Variants in MAB21L4 observed in about 807,000 individuals in gnomAD.
The protein encoded by MAB21L4 is mab-21 like 4.
In MAB21L4, 25 loss-of-function variants were observed where a neutral mutation model predicts 32.4. The ratio of observed to expected loss-of-function variants is 0.77; its 90% CI spans 0.56 to 1.08. The LOEUF (loss-of-function observed/expected upper bound fraction) is 1.08, where lower values mean the gene tolerates loss of function less well. MAB21L4 is among the 50% of genes least tolerant of loss of function. The pLI, the probability that MAB21L4 is intolerant of heterozygous loss-of-function variation, is 0.00. For missense variants in MAB21L4, 638 were observed against 611.0 expected, an observed-to-expected ratio of 1.04 and a Z score of -0.47; for synonymous variants, 280 against 276.8, an observed-to-expected ratio of 1.01 and a Z score of -0.11.
chr2:240,889,066 C>T (rs1364972901), intron 3 of MAB21L4, among the ~76,000 whole-genome samples: 4 of 152,170 alleles, frequency 2.6e-5, no homozygotes, highest in Non-Finnish European at 4.4e-5. Context: ...CCTGTGTGCT[C>T]ATGACCCCTG....
chr2:240,890,927 G>C lies in MAB21L4; in HGVS notation c.740+611C>G, dbSNP rs534511274. Among the ~76,000 whole-genome samples, 262 of 152,344 alleles carry C rather than the reference G, an allele frequency of 1.7e-3. 1 individual carries two copies. In the South Asian group the frequency reaches 0.025, roughly 15 times the overall value. The stretch of plus-strand genomic sequence containing the variant: ...GCGCTCCGCTGAGCCTTTCCTTGCA[G>C]GGGAAAACCACAGGAGGGACATAAC... On this transcript the variant is annotated intron_variant, in intron 2 of 4. Transcript: ENST00000388934.
chr2:240,890,722 C>A (rs1332790749), intron 2 of MAB21L4, among the ~76,000 whole-genome samples: 1 of 152,202 alleles, frequency 6.6e-6, no homozygotes, highest in Non-Finnish European at 1.5e-5. Context: ...CAGTGTCCCC[C>A]GCAAGCCTAC....
In MAB21L4 at chr2:240,895,556, C is replaced by A. The variant is rs2059180416; in HGVS notation, c.442G>T (p.Val148Phe). The A allele has an allele frequency of 3.1e-6, 5 of 1,610,706 alleles. No homozygotes were observed. The highest frequency in any genetic ancestry group is 4.2e-6 in the Non-Finnish European group (5 of 1,179,024). ...AGCAGGTCCTTGAGGACACACAGGACCTTGCTGGGCACAATGTGTCCACGG... is the reference window on the plus strand; with the variant it reads ...AGCAGGTCCTTGAGGACACACAGGAACTTGCTGGGCACAATGTGTCCACGG... The part of the protein sequence containing the change: ...KCRGHIVPSK[V>F]LCVLKDLLVA... Residue 148 changes from valine to phenylalanine, a missense_variant, in exon 1 of 5, where the codon GTC becomes TTC. Physicochemically the swap from Val to Phe is conservative, Grantham distance 50 (BLOSUM62 -1). Coordinates refer to ENST00000388934, the MANE Select transcript of MAB21L4 (RefSeq NM_001085437.3).
chr2:240,890,067 C>A lies in MAB21L4; in HGVS notation c.832G>T (p.Val278Phe). 1 of 1,613,494 alleles carries A rather than the reference C, an allele frequency of 6.2e-7. No homozygotes were observed. The highest frequency in any genetic ancestry group is 8.5e-7 in the Non-Finnish European group (1 of 1,179,720). ...RLDSLSILDRVNHESWRDSGQ... is the reference protein window; with the variant it reads ...RLDSLSILDRFNHESWRDSGQ... ...CTGTCACGCCAGCTCTCGTGGTTGA[C>A]CCGGTCGAGGATGGAGAGGCTGTCC... The change falls in exon 3 of 5, where the codon GTC (valine) becomes TTC (phenylalanine). Residue 278 changes from valine to phenylalanine, a missense_variant. Val to Phe is a conservative substitution (Grantham distance 50). Transcript: ENST00000388934.
In MAB21L4 at chr2:240,888,464, T is replaced by C. The variant is rs1172387781; in HGVS notation, c.1079A>G (p.Gln360Arg). 6.3e-7 allele frequency: 1 copy of C among 1,591,752 alleles called. No homozygotes were observed. Among genetic ancestry groups the C allele is most frequent in the Admixed American group, 1.7e-5 (1 of 58,418 alleles). The change falls in exon 4 of 5, where the codon CAG becomes CGG. Residue 360 changes from glutamine to arginine, a missense_variant. Transcript: ENST00000388934. ...CTGGCTGGCGAAGCCCTCCACGCGC[T>C]GGTAGATGGCACCAAGGTCCAGGCC... ...GSGLDLGAIY[Q>R]RVEGFASQPE...
At chr2:240,889,942 G>A (rs906386947) in intron 3 of MAB21L4, 63 bp downstream of exon 3, 4 of 1,537,520 alleles carry the variant, frequency 2.6e-6, no homozygotes, top group African/African-American at 2.7e-5. Context: ...GGAGGGACAC[G>A]CCTGGGTGCA....
rs1474812248 is a variant in MAB21L4 at position 240,896,085 on chromosome 2, C to T, written c.-88G>A. The T allele has an allele frequency of 6.5e-6, 9 of 1,376,752 alleles. No individual in the cohort carries two copies. In the South Asian group the frequency reaches 1.5e-4, roughly 23 times the overall value. 85.3% of individuals were successfully genotyped at this position (1,376,752 alleles called of 1,614,324 possible). On this transcript the variant is annotated 5_prime_UTR_variant, in exon 1 of 5. Transcript: ENST00000388934. ...CAGATGGGCTGTGAGGAGGCACCTGCCCAGGTGAGCAGCAGGTCTGCAGGT... is the reference window on the plus strand; with the variant it reads ...CAGATGGGCTGTGAGGAGGCACCTGTCCAGGTGAGCAGCAGGTCTGCAGGT...
chr2:240,890,265 C>G (rs981790766), intron 2 of MAB21L4, 107 bp from the exon 3 acceptor site: 9 of 1,362,434 alleles, frequency 6.6e-6, no homozygotes, highest in Non-Finnish European at 8.8e-6. Flanking sequence ...TCGTGCTGTG[C>G]TGCGTCTGCT....
At chr2:240,892,347 C>G (rs1408175228) in intron 1 of MAB21L4, among the ~76,000 whole-genome samples, 1 of 151,492 alleles carries the variant, frequency 6.6e-6, no homozygotes, top group African/African-American at 2.4e-5. Flanking sequence ...CTCCTCCCCC[C>G]TGCCCCCTGC....
chr2:240,895,938 G>A lies in MAB21L4; in HGVS notation c.60C>T (p.His20=), dbSNP rs1289623349. Residue 20 remains histidine (H), a synonymous_variant, in exon 1 of 5, where the codon CAC becomes CAT. Coordinates refer to ENST00000388934, the MANE Select transcript of MAB21L4 (RefSeq NM_001085437.3). ...CCCGGGACCGGATGGCCTGCAGGTA[G>A]TGGTGCCACAGGGGCACCTGCACGG... ...AMAVQVPLWH[H]YLQAIRSREA... The A allele has an allele frequency of 8.7e-6, 13 of 1,496,760 alleles. No individual in the cohort carries two copies. The highest frequency in any genetic ancestry group is 1.2e-5 in the Non-Finnish European group (13 of 1,126,086). The allele number at this position is 1,496,760 out of a possible 1,614,324, so 92.7% of individuals were successfully genotyped here. A position where few individuals can be genotyped will look rare whatever the true frequency, so the allele number is the denominator to read the frequency against.
At chr2:240,890,183 G>A in intron 2 of MAB21L4, 25 bp from the exon 3 acceptor site, 1 of 1,571,430 alleles carries the variant, frequency 6.4e-7, no homozygotes. Flanking sequence ...GACGCACTGG[G>A]TCAGCCCCCG....
At chr2:240,891,168 T>C (rs894734032) in intron 2 of MAB21L4, among the ~76,000 whole-genome samples, 4 of 152,184 alleles carry the variant, frequency 2.6e-5, no homozygotes, top group African/African-American at 9.7e-5. Context: ...ACCCCCACTG[T>C]GTGGGAACCC....
rs748211742 is a variant in MAB21L4, at chr2:240,895,619, C to G, written c.379G>C (p.Asp127His). ...GAGLERWTTE[D>H]TFTASSEGDA... ...CCCTCCGAGGAGGCAGTGAAGGTATCCTCGGTGGTCCACCGCTCCAGGCCA... is the reference window on the plus strand; with the variant it reads ...CCCTCCGAGGAGGCAGTGAAGGTATGCTCGGTGGTCCACCGCTCCAGGCCA... The change falls in exon 1 of 5, where the codon GAT (aspartate) becomes CAT (histidine). Residue 127 changes from aspartate (D) to histidine (H), a missense_variant. By Grantham distance (81) the Asp-to-His change is moderately conservative. Coordinates refer to ENST00000388934, the MANE Select transcript of MAB21L4 (RefSeq NM_001085437.3). 1 of 1,612,940 alleles carries G rather than the reference C, an allele frequency of 6.2e-7. No homozygotes were observed. Among genetic ancestry groups the G allele is most frequent in the South Asian group, 1.1e-5 (1 of 91,080 alleles).
chr2:240,896,399 C>T (rs1230121524), upstream of MAB21L4, among the ~76,000 whole-genome samples: 2 of 152,194 alleles, frequency 1.3e-5, no homozygotes, highest in Non-Finnish European at 2.9e-5. Context: ...GGATGGGAGC[C>T]TCTGTGTGTT....
At chr2:240,894,799 C>T (rs936837082) in intron 1 of MAB21L4, among the ~76,000 whole-genome samples, 2 of 151,432 alleles carry the variant, frequency 1.3e-5, no homozygotes, top group Non-Finnish European at 2.9e-5. Flanking sequence ...CTCAGTCTCA[C>T]AAACAAACAA....
chr2:240,887,042 A>G lies in MAB21L4; in HGVS notation c.*28T>C, dbSNP rs763402143. 1 of 1,574,462 alleles carries G rather than the reference A, an allele frequency of 6.4e-7. No individual in the cohort carries two copies. The highest frequency in any genetic ancestry group is 8.7e-7 in the Non-Finnish European group (1 of 1,144,234). Reference sequence around the variant, plus strand: ...TGCAGAGTCTGTTGGGGAGCCAAGAACAGGTGGCTGAGACCAGGTGGCCCA... The same window carrying G: ...TGCAGAGTCTGTTGGGGAGCCAAGAGCAGGTGGCTGAGACCAGGTGGCCCA... On this transcript the variant is annotated 3_prime_UTR_variant, in exon 5 of 5. Coordinates refer to ENST00000388934, the MANE Select transcript of MAB21L4 (RefSeq NM_001085437.3).
At chr2:240,887,976 C>T (rs2059110334) in intron 4 of MAB21L4, among the ~76,000 whole-genome samples, 1 of 152,184 alleles carries the variant, frequency 6.6e-6, no homozygotes, top group East Asian at 1.9e-4. Flanking sequence ...GGGTGGGCAG[C>T]TGGGGCTCTG....
At chr2:240,890,306 G>C in intron 2 of MAB21L4, 148 bp from the exon 3 acceptor site, 1 of 964,458 alleles carries the variant, frequency 1.0e-6, no homozygotes, top group Middle Eastern at 3.3e-4. Flanking sequence ...CAGGCTTCTC[G>C]GGAGCTGCTG....
At position 240,890,083 on chromosome 2, in the gene MAB21L4, GA is replaced by G; in HGVS notation, c.815del (p.Leu272ProfsTer21). The G allele has an allele frequency of 6.2e-7, 1 of 1,613,432 alleles. No individual in the cohort carries two copies. The highest frequency in any genetic ancestry group is 1.1e-5 in the South Asian group (1 of 91,068). ...CGTGGTTGACCCGGTCGAGGATGGA[GA>G]GGCTGTCCAGGCGATGACCCTGCAG... ...GSLQGHRLDSLSILDRVNHES... is the reference protein window; with the variant it reads ...GSLQGHRLDSXSILDRVNHES... On this transcript the variant is annotated frameshift_variant, in exon 3 of 5. Transcript: ENST00000388934. LOFTEE classifies it high-confidence loss of function.
Sources: gnomAD v4.1 joint callset for allele counts (sites outside exome capture counted in the v4.1 genomes callset) on GRCh38, gnomAD v4.1.1 for gene constraint, MANE v1.5 for transcripts, NCBI Gene and HGNC (gene_info 2026-07-23, HGNC 2026-07-21) for gene names.